NFAM1: variants seen among roughly 807,000 people sequenced by gnomAD.
The protein encoded by NFAM1 is NFAT activating protein with ITAM motif 1.
A neutral mutation model predicts 29.0 loss-of-function variants in NFAM1; 17 were observed. The observed-to-expected ratio is 0.59, with a 90% CI of 0.40 to 0.88. NFAM1 has a LOEUF of 0.88. NFAM1 is among the 40% of genes least tolerant of loss of function. NFAM1 has a pLI of 0.00. For missense variants in NFAM1, 324 were observed against 344.6 expected, an observed-to-expected ratio of 0.94 and a Z score of 0.47; for synonymous variants, 175 against 147.2, an observed-to-expected ratio of 1.19 and a Z score of -1.36.
rs925642927 is a variant in NFAM1, at chr22:42,419,274, G to A, written c.122-7538C>T. Among the ~76,000 whole-genome samples, 11 of 152,040 alleles carry A rather than the reference G, an allele frequency of 7.2e-5. No homozygotes were observed. Among genetic ancestry groups the A allele is most frequent in the African/African-American group, 2.7e-4 (11 of 41,388 alleles). On this transcript the variant is annotated intron_variant, in intron 1 of 5. Transcript: ENST00000329021. The surrounding 1 kb of genome is among the most constrained non-coding windows in gnomAD (Gnocchi z 4.5). The stretch of plus-strand genomic sequence containing the variant: ...CTCCTGCCCAACCAGGGCTGTCTCT[G>A]TGGCTCTGAGTCCCCAGCGATCCAC...
In NFAM1 at chr22:42,385,107, G is replaced by A. The variant is rs1461730058; in HGVS notation, c.*54C>T. 1 of 1,376,350 alleles carries A rather than the reference G, an allele frequency of 7.3e-7. No individual in the cohort carries two copies. Among genetic ancestry groups the A allele is most frequent in the East Asian group, 2.3e-5 (1 of 43,784 alleles). The allele number at this position is 1,376,350 out of a possible 1,614,324, so 85.3% of individuals were successfully genotyped here. ...CTCAGATCAAGTCCTTTGGTGGCAG[G>A]GGCTGCCCCGGTCCTCTGACCCAGG... On this transcript the variant is annotated 3_prime_UTR_variant, in exon 6 of 6. Coordinates refer to ENST00000329021, the MANE Select transcript of NFAM1 (RefSeq NM_145912.8).
rs147287706 is a variant in NFAM1, at chr22:42,419,383, C to T, written c.122-7647G>A. 3.6e-4 allele frequency among the ~76,000 whole-genome samples: 55 copies of T among 152,224 alleles called. No homozygotes were observed. The highest frequency in any genetic ancestry group is 1.2e-3 in the African/African-American group (50 of 41,526). On this transcript the variant is annotated intron_variant, in intron 1 of 5. Transcript: ENST00000329021. The surrounding 1 kb of genome is among the most constrained non-coding windows in gnomAD (Gnocchi z 4.5). ...CAGGAAGGAGTCTGAAATCAATTTA[C>T]GGGGTCAAGACAAGCAATTAAAAAA...
At chr22:42,424,401 C>T (rs1930553515) in intron 1 of NFAM1, among the ~76,000 whole-genome samples, 2 of 150,120 alleles carry the variant, frequency 1.3e-5, no homozygotes, top group African/African-American at 4.9e-5. Flanking sequence ...GGGGATAGAG[C>T]GAGACTCCGT....
rs753497270 is a variant in NFAM1, at chr22:42,386,978, C to A, written c.753+11G>T. On this transcript the variant is annotated intron_variant, in intron 5 of 5. Coordinates refer to ENST00000329021, the MANE Select transcript of NFAM1 (RefSeq NM_145912.8). The stretch of plus-strand genomic sequence containing the variant: ...CAAGAAGCCAGGCTTGGTGCCCCAG[C>A]GCCTGTGTACCTGGGAGAGGGGGCT... 1.4e-6 allele frequency: 2 copies of A among 1,458,876 alleles called. No individual in the cohort carries two copies. Among genetic ancestry groups the A allele is most frequent in the Non-Finnish European group, 1.9e-6 (2 of 1,073,260 alleles). The allele number at this position is 1,458,876 out of a possible 1,614,324, so 90.4% of individuals were successfully genotyped here.
chr22:42,411,542 CTG>C lies in NFAM1; in HGVS notation c.314_315del (p.Thr105ArgfsTer132). On this transcript the variant is annotated frameshift_variant, in exon 2 of 6. Coordinates refer to ENST00000329021, the MANE Select transcript of NFAM1 (RefSeq NM_145912.8). LOFTEE classifies it high-confidence loss of function. ...CAGTCCAGGGTGTGGCTCTGGTTCT[CTG>C]TGCCCAGTCCAGGGTGGCAGTTTGT... The part of the protein sequence containing the change: ...KPTNCHPGLG[T>X]ENQSHTLDCQ... 1 of 1,614,232 alleles carries C rather than the reference CTG, an allele frequency of 6.2e-7. No homozygotes were observed. Among genetic ancestry groups the C allele is most frequent in the Non-Finnish European group, 8.5e-7 (1 of 1,180,042 alleles).
At chr22:42,402,828 C>G (rs534285209) in intron 3 of NFAM1, among the ~76,000 whole-genome samples, 2 of 123,380 alleles carry the variant, frequency 1.6e-5, no homozygotes, top group African/African-American at 7.5e-5. Flanking sequence ...CCCTCTGTGC[C>G]TTCTTTTTTT....
intron 3 of NFAM1, among the ~76,000 whole-genome samples, chr22:42,401,521 T>A (rs1268393985): frequency 6.8e-6 from 1 of 146,382 alleles, no homozygotes; most frequent in Admixed American, 6.8e-5. Flanking sequence ...CTGGGGGTGC[T>A]GGGGAGGCTG....
intron 1 of NFAM1, among the ~76,000 whole-genome samples, chr22:42,423,728 T>TTC (rs959292173): frequency 1.3e-5 from 2 of 150,500 alleles, no homozygotes; most frequent in African/African-American, 4.9e-5. Flanking sequence ...CTCTTTTCTT[T>TTC]TTTTTTTTTT....
intron 2 of NFAM1, 136 bp downstream of exon 2, chr22:42,411,271 G>C (rs547703740): frequency 1.5e-6 from 1 of 663,566 alleles, no homozygotes; most frequent in South Asian, 1.9e-5. Context: ...TGATCCACCC[G>C]CCTCAGCCTC....
At chr22:42,386,101 G>A (rs576428537) in intron 5 of NFAM1, among the ~76,000 whole-genome samples, 4 of 152,242 alleles carry the variant, frequency 2.6e-5, no homozygotes, top group Admixed American at 6.5e-5. Flanking sequence ...TGGGCCGGGC[G>A]CGGTGCCTCA....
intron 3 of NFAM1, among the ~76,000 whole-genome samples, chr22:42,404,322 CTTCAA>C (rs1334723302): frequency 6.6e-6 from 1 of 152,068 alleles, no homozygotes; most frequent in Non-Finnish European, 1.5e-5. Flanking sequence ...TAGTTTCCAG[CTTCAA>C]TTCATTTATC....
intron 3 of NFAM1, among the ~76,000 whole-genome samples, chr22:42,402,990 A>G (rs1323887762): frequency 1.3e-5 from 2 of 151,240 alleles, no homozygotes; most frequent in African/African-American, 4.9e-5. Flanking sequence ...GCCTACCACC[A>G]TGCCCGGCTA....
intron 1 of NFAM1, among the ~76,000 whole-genome samples, chr22:42,422,371 T>G (rs1462224696): frequency 1.3e-5 from 2 of 151,764 alleles, no homozygotes; most frequent in Admixed American, 1.3e-4. Flanking sequence ...TTTGGGAAGC[T>G]GAGGCGGGCG....
intron 4 of NFAM1, among the ~76,000 whole-genome samples, chr22:42,394,860 G>A (rs548867405): frequency 6.6e-6 from 1 of 152,340 alleles, no homozygotes; most frequent in African/African-American, 2.4e-5. Flanking sequence ...GCTCACGCCT[G>A]TAATCCCAGC....
chr22:42,405,684 C>T (rs1443709947), intron 3 of NFAM1, among the ~76,000 whole-genome samples: 2 of 152,212 alleles, frequency 1.3e-5, no homozygotes, highest in East Asian at 1.9e-4. Context: ...TCCCACCCAT[C>T]TCGGGTCTTC....
intron 1 of NFAM1, among the ~76,000 whole-genome samples, chr22:42,430,040 A>G (rs897174007): frequency 1.3e-5 from 2 of 151,776 alleles, no homozygotes; most frequent in African/African-American, 2.4e-5. Context: ...AGGCGGGTGG[A>G]TCACCTGAGG....
At position 42,397,839 on chromosome 22, in the gene NFAM1, CG is replaced by C; in HGVS notation, c.663+18del. 7.3e-6 allele frequency: 11 copies of C among 1,516,016 alleles called. No homozygotes were observed. Among genetic ancestry groups the C allele is most frequent in the Non-Finnish European group, 9.2e-6 (10 of 1,090,908 alleles). The allele number at this position is 1,516,016 out of a possible 1,614,324, so 93.9% of individuals were successfully genotyped here. On this transcript the variant is annotated intron_variant, in intron 4 of 5. Transcript: ENST00000329021. ...AAGGCCTGAAAGAGGTGGAGGGAGC[CG>C]GGGGCCCCGGGACTCACTGTGTAGA...
At position 42,389,586 on chromosome 22, in the gene NFAM1, G is replaced by GTGGGGC. The variant is rs1420716229; in HGVS notation, c.664-2514_664-2509dup. On this transcript the variant is annotated intron_variant, in intron 4 of 5. Coordinates refer to ENST00000329021, the MANE Select transcript of NFAM1 (RefSeq NM_145912.8). The stretch of plus-strand genomic sequence containing the variant: ...GCACAGGCCTTGGAATGGGCCACTT[G>GTGGGGC]TGGGGCTGGGGCTGGGCTGGGCTGG... Among the ~76,000 whole-genome samples, 22 of 151,510 alleles carry GTGGGGC rather than the reference G, an allele frequency of 1.5e-4. 1 individual carries two copies. The East Asian group carries it at 1.6e-3, about 11-fold the overall frequency.
At chr22:42,412,727 G>A (rs915140992) in intron 1 of NFAM1, among the ~76,000 whole-genome samples, 2 of 152,244 alleles carry the variant, frequency 1.3e-5, no homozygotes, top group East Asian at 1.9e-4. Context: ...TTCAGGCAGC[G>A]GGAGACACAA....
Sources: gnomAD v4.1 joint callset for allele counts (sites outside exome capture counted in the v4.1 genomes callset) on GRCh38, gnomAD v4.1.1 for gene constraint, Gnocchi (gnomAD v3.1) non-coding constraint, MANE v1.5 for transcripts, NCBI Gene and HGNC (gene_info 2026-07-23, HGNC 2026-07-21) for gene names.